PLCB1: variants seen among roughly 807,000 people sequenced by gnomAD.
The protein encoded by PLCB1 is phospholipase C beta 1, also known as 1-phosphatidylinositol 4,5-bisphosphate phosphodiesterase beta-1.
PLCB1 carries 46 observed loss-of-function variants against 161.8 expected under a neutral mutation model. That is an observed-to-expected ratio of 0.28 (90% CI 0.22 to 0.36). PLCB1 has a LOEUF of 0.36. Among genes scored for constraint, PLCB1 ranks in the 10% least tolerant of loss-of-function variants. The pLI is 1.00. For missense variants in PLCB1, 1,016 were observed against 1,472.5 expected (o/e 0.69, Z 5.07); for synonymous variants, 517 against 503.7 (o/e 1.03, Z -0.35).
At chr20:8,153,069 A>G (rs1251782281) in intron 2 of PLCB1, among the ~76,000 whole-genome samples, 1 of 152,150 alleles carries the variant, frequency 6.6e-6, no homozygotes, top group East Asian at 1.9e-4. Context: ...GTCACCACAG[A>G]AATGATAGGT....
chr20:8,403,603 A>G (rs1323645951), intron 3 of PLCB1, among the ~76,000 whole-genome samples: 1 of 152,052 alleles, frequency 6.6e-6, no homozygotes, highest in Non-Finnish European at 1.5e-5. Flanking sequence ...CAGAAACAAG[A>G]TAGCATGTGA....
chr20:8,320,965 A>G (rs1436337073), intron 2 of PLCB1, among the ~76,000 whole-genome samples: 3 of 151,562 alleles, frequency 2.0e-5, no homozygotes, highest in African/African-American at 7.3e-5. Flanking sequence ...AAAAGAAAGA[A>G]AGGGAAAATA....
chr20:8,519,769 A>G (rs1281473719), intron 3 of PLCB1, among the ~76,000 whole-genome samples: 1 of 152,194 alleles, frequency 6.6e-6, no homozygotes, highest in Non-Finnish European at 1.5e-5. Flanking sequence ...TAAATTTTCT[A>G]TGACCTATAT....
intron 3 of PLCB1, among the ~76,000 whole-genome samples, chr20:8,500,189 C>T (rs1983345901): frequency 6.6e-6 from 1 of 152,042 alleles, no homozygotes; most frequent in African/African-American, 2.4e-5. Context: ...CAAATCAGTC[C>T]ATGAGGTAAA....
At chr20:8,566,187 A>G (rs1250788144) in intron 3 of PLCB1, among the ~76,000 whole-genome samples, 2 of 152,196 alleles carry the variant, frequency 1.3e-5, no homozygotes, top group Non-Finnish European at 2.9e-5. Flanking sequence ...ACAACAGGCT[A>G]CTATCTACTT....
chr20:8,646,734 A>G (rs1989180934), intron 5 of PLCB1, among the ~76,000 whole-genome samples: 1 of 152,244 alleles, frequency 6.6e-6, no homozygotes, highest in Non-Finnish European at 1.5e-5. Flanking sequence ...AAAGAAAAGC[A>G]AAACAAATTG....
intron 2 of PLCB1, among the ~76,000 whole-genome samples, chr20:8,279,836 C>T (rs889189253): frequency 6.6e-6 from 1 of 152,016 alleles, no homozygotes; most frequent in Non-Finnish European, 1.5e-5. Flanking sequence ...TATCGGGATG[C>T]AACTATCAGG....
chr20:8,766,798 C>T (rs936870406), intron 26 of PLCB1, among the ~76,000 whole-genome samples: 2 of 152,058 alleles, frequency 1.3e-5, no homozygotes, highest in African/African-American at 4.8e-5. Context: ...TGAATTGGGG[C>T]CTGAGCAGCA....
chr20:8,517,610 A>T (rs1984185482), intron 3 of PLCB1, among the ~76,000 whole-genome samples: 1 of 152,132 alleles, frequency 6.6e-6, no homozygotes, highest in Non-Finnish European at 1.5e-5. Context: ...CAACCTTCAT[A>T]TTGTAACCTA....
intron 3 of PLCB1, among the ~76,000 whole-genome samples, chr20:8,468,446 T>C (rs1169587225): frequency 1.3e-5 from 2 of 152,196 alleles, no homozygotes; most frequent in African/African-American, 4.8e-5. Context: ...TGAATGATTT[T>C]GGAAACTAAG....
chr20:8,256,383 G>A (rs1258830938), intron 2 of PLCB1, among the ~76,000 whole-genome samples: 2 of 152,056 alleles, frequency 1.3e-5, no homozygotes, highest in Non-Finnish European at 2.9e-5. Context: ...TTTGCCTGGG[G>A]CACTTCAGTT....
At chr20:8,555,040 T>G (rs1985905284) in intron 3 of PLCB1, among the ~76,000 whole-genome samples, 1 of 152,124 alleles carries the variant, frequency 6.6e-6, no homozygotes, top group Non-Finnish European at 1.5e-5. Context: ...GTCACAAATC[T>G]CTCCTATCAT....
intron 3 of PLCB1, among the ~76,000 whole-genome samples, chr20:8,464,860 T>TC (rs145860454): frequency 0.2 from 30,476 of 152,062 alleles, 3,783 homozygotes; most frequent in Non-Finnish European, 0.28. Context: ...ATCCACCCAC[T>TC]CCCCTCAGCC....
chr20:8,499,487 A>G (rs912438021), intron 3 of PLCB1, among the ~76,000 whole-genome samples: 1 of 152,218 alleles, frequency 6.6e-6, no homozygotes, highest in East Asian at 1.9e-4. Context: ...TGACTGTATC[A>G]GTTGTTCAAT....
intron 31 of PLCB1, among the ~76,000 whole-genome samples, chr20:8,814,591 G>GTGTGTA (rs1984994818): frequency 6.6e-6 from 1 of 151,664 alleles, no homozygotes; most frequent in East Asian, 1.9e-4. Context: ...GTGTGTGTGT[G>GTGTGTA]TGTGTGTGTG....
chr20:8,328,348 A>C (rs1385374617), intron 2 of PLCB1, among the ~76,000 whole-genome samples: 1 of 152,056 alleles, frequency 6.6e-6, no homozygotes, highest in Non-Finnish European at 1.5e-5. Flanking sequence ...CTGCTTCTGA[A>C]CAGTGCTTAA....
chr20:8,628,524 A>G lies in PLCB1; in HGVS notation c.384+93A>G. On this transcript the variant is annotated intron_variant, in intron 4 of 31. Transcript: ENST00000338037. The stretch of plus-strand genomic sequence containing the variant: ...CTGCAAAAGACTGAATTTTTGTCAT[A>G]TTTAGCATGTGTTAAAATTTCACCT... The G allele has an allele frequency of 4.5e-6, 6 of 1,318,694 alleles. No homozygotes were observed. In the Middle Eastern group the frequency reaches 5.7e-4, roughly 125 times the overall value. The allele number at this position is 1,318,694 out of a possible 1,614,324, so 81.7% of individuals were successfully genotyped here.
chr20:8,506,035 T>C (rs1158081655), intron 3 of PLCB1, among the ~76,000 whole-genome samples: 2 of 152,222 alleles, frequency 1.3e-5, no homozygotes, highest in Non-Finnish European at 2.9e-5. Context: ...GTGAGATCAT[T>C]GCATAGGGTC....
chr20:8,847,834 T>C (rs1986742454), intron 31 of PLCB1, among the ~76,000 whole-genome samples: 1 of 152,240 alleles, frequency 6.6e-6, no homozygotes, highest in Non-Finnish European at 1.5e-5. Flanking sequence ...TGAAGAGGTA[T>C]ATAGGGTATC....
Sources: allele counts gnomAD v4.1 joint callset (sites outside exome capture counted in the v4.1 genomes callset), GRCh38; gene constraint gnomAD v4.1.1; transcripts MANE v1.5; gene names NCBI Gene and HGNC (gene_info 2026-07-23, HGNC 2026-07-21).